Variants in C8A observed in about 807,000 individuals in gnomAD.
C8A encodes complement component C8 alpha chain.
Under a neutral mutation model 65.3 loss-of-function variants are expected in C8A, and 67 were observed. The ratio of observed to expected loss-of-function variants is 1.03; its 90% CI spans 0.84 to 1.26. The LOEUF is 1.26. Among genes scored for constraint, C8A ranks in the 50% most tolerant of loss-of-function variants. The pLI is 0.00. For synonymous variants in C8A, 290 were observed against 259.4 expected (o/e 1.12, Z -1.13); for missense variants, 781 against 723.9 (o/e 1.08, Z -0.90).
Position 56,885,944 on chromosome 1 carries a change from A to T in C8A, c.873A>T (p.Arg291Ser), listed in dbSNP as rs2101247571. The T allele has an allele frequency of 6.2e-7, 1 of 1,613,974 alleles. No individual in the cohort carries two copies. Among genetic ancestry groups the T allele is most frequent in the Non-Finnish European group, 8.5e-7 (1 of 1,179,918 alleles). The part of the protein sequence containing the change: ...KYNEKKFIFT[R>S]IFTKVQTAHF... ...GCTGGCAGAAATTCATTTTCACAAG[A>T]ATCTTCACAAAGGTGCAGACTGCAC... Residue 291 changes from arginine to serine, a missense_variant, in exon 7 of 11, where the codon AGA (arginine) becomes AGT (serine). Physicochemically the swap from Arg to Ser is moderately radical, Grantham distance 110. Coordinates refer to ENST00000361249, the MANE Select transcript of C8A (RefSeq NM_000562.3).
intron 1 of C8A, among the ~76,000 whole-genome samples, chr1:56,857,006 T>G (rs1643983368): frequency 6.6e-6 from 1 of 152,074 alleles, no homozygotes; most frequent in Admixed American, 6.6e-5. Flanking sequence ...ATTTCAAGTT[T>G]CTAATTTGCT....
chr1:56,892,181 TAA>T (rs1246719291), intron 7 of C8A, among the ~76,000 whole-genome samples: 1 of 152,136 alleles, frequency 6.6e-6, no homozygotes, highest in Non-Finnish European at 1.5e-5. Flanking sequence ...CCTCCAGGAA[TAA>T]CATTCATGTC....
At chr1:56,876,672 G>A (rs1459282070) in intron 4 of C8A, among the ~76,000 whole-genome samples, 2 of 151,886 alleles carry the variant, frequency 1.3e-5, no homozygotes, top group African/African-American at 4.8e-5. Context: ...GACAGAGAGG[G>A]GCTTTAACCC....
At chr1:56,880,246 A>G (rs893790898) in intron 4 of C8A, among the ~76,000 whole-genome samples, 1 of 152,128 alleles carries the variant, frequency 6.6e-6, no homozygotes, top group Non-Finnish European at 1.5e-5. Context: ...GAATATGGTA[A>G]AACCATCCAT....
Position 56,917,733 on chromosome 1 carries a change from G to C in C8A, c.*17G>C. On this transcript the variant is annotated 3_prime_UTR_variant, in exon 11 of 11. Coordinates refer to ENST00000361249, the MANE Select transcript of C8A (RefSeq NM_000562.3). Reference sequence around the variant, plus strand: ...GCTTGCTGAGGGCCTCTGGACACAGGCTGGACCAGATGCTGTGGATGTCGA... The same window carrying C: ...GCTTGCTGAGGGCCTCTGGACACAGCCTGGACCAGATGCTGTGGATGTCGA... 1.2e-6 allele frequency: 2 copies of C among 1,613,678 alleles called. No individual in the cohort carries two copies. Among genetic ancestry groups the C allele is most frequent in the Non-Finnish European group, 1.7e-6 (2 of 1,179,958 alleles).
Position 56,911,650 on chromosome 1 carries a change from C to T in C8A, c.1381-753C>T, listed in dbSNP as rs142323129. On this transcript the variant is annotated intron_variant, in intron 9 of 10. Transcript: ENST00000361249. ...CCTACAATACAAGGACAGCCCACTC[C>T]TGCCAGTAAAGAATTATCCAACTTG... Among the ~76,000 whole-genome samples the T allele has an allele frequency of 4.2e-3, 633 of 152,296 alleles. 6 individuals are homozygous for T. The highest frequency in any genetic ancestry group is 0.015 in the African/African-American group (605 of 41,560).
chr1:56,890,071 T>A (rs1046513066), intron 7 of C8A, among the ~76,000 whole-genome samples: 2 of 152,162 alleles, frequency 1.3e-5, no homozygotes, highest in South Asian at 2.1e-4. Context: ...AGAGAAATAA[T>A]GTATTTCGCA....
At chr1:56,901,281 G>A (rs1184595433) in intron 7 of C8A, among the ~76,000 whole-genome samples, 2 of 152,138 alleles carry the variant, frequency 1.3e-5, no homozygotes, top group African/African-American at 2.4e-5. Flanking sequence ...AACATGAATG[G>A]TATTTGTTTT....
chr1:56,885,269 T>TATAAATATATATTTAC (rs1285917260), intron 6 of C8A, among the ~76,000 whole-genome samples: 1 of 144,482 alleles, frequency 6.9e-6, no homozygotes, highest in African/African-American at 2.6e-5. Flanking sequence ...CGTGTTTATA[T>TATAAATATATATTTAC]ATAAATATAT....
Position 56,887,738 on chromosome 1 carries a change from G to A in C8A, c.1096+1571G>A, listed in dbSNP as rs79499138. ...ACAAAGCCTTGTAACCAAATCAAATGTCCCTCAATAATAGACTGGATAAAG... is the reference window on the plus strand; with the variant it reads ...ACAAAGCCTTGTAACCAAATCAAATATCCCTCAATAATAGACTGGATAAAG... On this transcript the variant is annotated intron_variant, in intron 7 of 10. Coordinates refer to ENST00000361249, the MANE Select transcript of C8A (RefSeq NM_000562.3). Among the ~76,000 whole-genome samples the A allele has an allele frequency of 5.3e-5, 8 of 152,244 alleles. No individual in the cohort carries two copies. In the East Asian group the frequency reaches 1.5e-3, roughly 29 times the overall value.
chr1:56,865,301 C>G (rs1206616351), intron 1 of C8A, among the ~76,000 whole-genome samples: 1 of 152,212 alleles, frequency 6.6e-6, no homozygotes, highest in Non-Finnish European at 1.5e-5. Context: ...TTATTCTTCA[C>G]AGTTCTGGAG....
intron 9 of C8A, among the ~76,000 whole-genome samples, chr1:56,910,921 A>G (rs1331929162): frequency 6.6e-6 from 1 of 152,204 alleles, no homozygotes; most frequent in Non-Finnish European, 1.5e-5. Context: ...ACCTTGGCAA[A>G]TCACTTCCCC....
chr1:56,876,035 G>A, intron 3 of C8A, 27 bp from the exon 4 acceptor site: 2 of 1,611,130 alleles, frequency 1.2e-6, no homozygotes, highest in Non-Finnish European at 8.5e-7. Flanking sequence ...GGGAACCCGA[G>A]GAGCAGCCAC....
At chr1:56,857,527 TA>T (rs1643989057) in intron 1 of C8A, among the ~76,000 whole-genome samples, 2 of 152,034 alleles carry the variant, frequency 1.3e-5, no homozygotes, top group Admixed American at 1.3e-4. Flanking sequence ...TGACTATATT[TA>T]AAAATATAAT....
intron 1 of C8A, among the ~76,000 whole-genome samples, chr1:56,860,183 T>A (rs1644019024): frequency 6.6e-6 from 1 of 152,108 alleles, no homozygotes; most frequent in Non-Finnish European, 1.5e-5. Context: ...TCTGTAAAGA[T>A]GGCATTTAAA....
chr1:56,871,088 T>C (rs1341084623), intron 2 of C8A, among the ~76,000 whole-genome samples: 1 of 152,184 alleles, frequency 6.6e-6, no homozygotes, highest in East Asian at 1.9e-4. Flanking sequence ...GCTTGCACCA[T>C]AATTCCCAGT....
chr1:56,888,324 C>T (rs996227041), intron 7 of C8A, among the ~76,000 whole-genome samples: 4 of 152,028 alleles, frequency 2.6e-5, no homozygotes, highest in African/African-American at 4.8e-5. Flanking sequence ...TTAATTCATC[C>T]GTCTACATAT....
chr1:56,881,498 A>G lies in C8A; in HGVS notation c.518A>G (p.Tyr173Cys), dbSNP rs142909304. The change falls in exon 5 of 11, where the codon TAT (tyrosine) becomes TGT (cysteine). Residue 173 changes from tyrosine to cysteine, a missense_variant. Physicochemically the swap from Tyr to Cys is radical, Grantham distance 194 (BLOSUM62 -2). Transcript: ENST00000361249. ...DAQSVYDASYYGGQCETVYNG... is the reference protein window; with the variant it reads ...DAQSVYDASYCGGQCETVYNG... Reference sequence around the variant, plus strand: ...CAGAGTGTGTACGATGCCAGTTATTATGGGGGCCAGTGTGAGACGGTATAC... The same window carrying G: ...CAGAGTGTGTACGATGCCAGTTATTGTGGGGGCCAGTGTGAGACGGTATAC... 13 of 1,613,778 alleles carry G rather than the reference A, an allele frequency of 8.1e-6. No individual in the cohort carries two copies. The highest frequency in any genetic ancestry group is 5.0e-5 in the Admixed American group (3 of 59,980).
chr1:56,866,070 T>C (rs117663344), intron 1 of C8A, among the ~76,000 whole-genome samples: 1 of 152,210 alleles, frequency 6.6e-6, no homozygotes, highest in Non-Finnish European at 1.5e-5. Flanking sequence ...AGTTTTCATG[T>C]AATACCAAAG....
Sources: gnomAD v4.1 joint callset for allele counts (sites outside exome capture counted in the v4.1 genomes callset) on GRCh38, gnomAD v4.1.1 for gene constraint, MANE v1.5 for transcripts, NCBI Gene and HGNC (gene_info 2026-07-23, HGNC 2026-07-21) for gene names.